RYR2: variants seen among roughly 807,000 people sequenced by gnomAD.
RYR2 encodes ryanodine receptor 2.
Under a neutral mutation model 601.1 loss-of-function variants are expected in RYR2, and 227 were observed. That is an observed-to-expected ratio of 0.38 (90% CI 0.34 to 0.42). The LOEUF (loss-of-function observed/expected upper bound fraction) is 0.42. Among genes scored for constraint, RYR2 ranks in the 10% least tolerant of loss-of-function variants. The pLI is 1.00. For missense variants in RYR2, 4,646 were observed against 6,156.5 expected (o/e 0.75, Z 8.21); for synonymous variants, 2,223 against 2,175.1 (o/e 1.02, Z -0.61).
intron 45 of RYR2, 123 bp downstream of exon 45, chr1:237,638,615 G>T (rs544366703): frequency 9.3e-7 from 1 of 1,071,470 alleles, no homozygotes; most frequent in African/African-American, 1.6e-5. Context: ...TTTTATAATC[G>T]ATAGGGGTTT....
At chr1:237,202,245 T>C (rs1377917297) in intron 1 of RYR2, among the ~76,000 whole-genome samples, 1 of 152,224 alleles carries the variant, frequency 6.6e-6, no homozygotes, top group African/African-American at 2.4e-5. Flanking sequence ...TGTCTGATGA[T>C]AGTCTCCCAT....
chr1:237,400,151 A>G (rs532172134), intron 10 of RYR2, among the ~76,000 whole-genome samples: 32 of 152,272 alleles, frequency 2.1e-4, no homozygotes, highest in Admixed American at 1.4e-3. Flanking sequence ...TAGTTGTCAA[A>G]CTCTTACTAT....
At chr1:237,119,125 G>A (rs1163796197) in intron 1 of RYR2, among the ~76,000 whole-genome samples, 1 of 152,166 alleles carries the variant, frequency 6.6e-6, no homozygotes, top group Non-Finnish European at 1.5e-5. Flanking sequence ...GTTAAAGTGA[G>A]GTCATTAGGT....
intron 10 of RYR2, among the ~76,000 whole-genome samples, chr1:237,397,674 G>A (rs1006980511): frequency 8.6e-5 from 13 of 151,932 alleles, no homozygotes; most frequent in Non-Finnish European, 1.6e-4. Context: ...AGGGGTAGGG[G>A]ACTTAACACT....
In RYR2 at chr1:237,709,033, C is replaced by A; in HGVS notation, c.10077C>A (p.Phe3359Leu). 6.2e-7 allele frequency: 1 copy of A among 1,612,240 alleles called. No homozygotes were observed. Among genetic ancestry groups the A allele is most frequent in the Non-Finnish European group, 8.5e-7 (1 of 1,178,422 alleles). The stretch of plus-strand genomic sequence containing the variant: ...CAGAACTCCTCATCCTAGATGAGTT[C>A]ACCACACTGGCCAGAGATCTCTATG... The part of the protein sequence containing the change: ...SEAELLILDE[F>L]TTLARDLYAF... The change falls in exon 69 of 105, where the codon TTC becomes TTA. Residue 3359 changes from phenylalanine to leucine, a missense_variant. By Grantham distance (22) the Phe-to-Leu change is conservative. Transcript: ENST00000366574.
chr1:237,820,391 C>G (rs2486554), intron 101 of RYR2, among the ~76,000 whole-genome samples: 39,855 of 151,830 alleles, frequency 0.26, 5,687 homozygotes, highest in East Asian at 0.61. Flanking sequence ...AGCAGGGTGG[C>G]GTGTCATCTC....
chr1:237,808,769 G>A, intron 99 of RYR2, 132 bp from the exon 100 acceptor site: 6 of 724,322 alleles, frequency 8.3e-6, no homozygotes, highest in Non-Finnish European at 1.2e-5. Context: ...TGAGAAATAA[G>A]TTATGGATCC....
rs910664106 is a variant in RYR2, at chr1:237,787,662, T to C, written c.13329-326T>C. Among the ~76,000 whole-genome samples, 45 of 149,888 alleles carry C rather than the reference T, an allele frequency of 3.0e-4. 1 individual carries two copies. Among genetic ancestry groups the C allele is most frequent in the African/African-American group, 1.1e-3 (44 of 40,654 alleles). On this transcript the variant is annotated intron_variant, in intron 91 of 104. Coordinates refer to ENST00000366574, the MANE Select transcript of RYR2 (RefSeq NM_001035.3). ...AAAAATAGGGTATGTGGGACAGTCA[T>C]AGCAAAATCATTCATCATTCTTCAT...
At chr1:237,270,232 C>T in intron 1 of RYR2, 1 of 579,240 alleles carries the variant, frequency 1.7e-6, no homozygotes, top group Non-Finnish European at 3.2e-6. Context: ...CTCTGGGGAT[C>T]AGTCAGTACA....
chr1:237,133,070 C>T (rs1228677726), intron 1 of RYR2, among the ~76,000 whole-genome samples: 1 of 152,060 alleles, frequency 6.6e-6, no homozygotes, highest in Non-Finnish European at 1.5e-5. Context: ...GAAGTGAGGA[C>T]TTCAGAGGAG....
intron 1 of RYR2, 78 bp downstream of exon 1, chr1:237,042,647 C>T (rs1660052065): frequency 8.2e-7 from 1 of 1,220,584 alleles, no homozygotes; most frequent in South Asian, 4.2e-5. Context: ...GGCAGAGTGA[C>T]AGCGGGCAGC....
At chr1:237,169,424 G>A (rs528049783) in intron 1 of RYR2, among the ~76,000 whole-genome samples, 8 of 151,562 alleles carry the variant, frequency 5.3e-5, no homozygotes, top group Non-Finnish European at 1.2e-4. Flanking sequence ...TCAGCCTCCC[G>A]AGTAGCTGGG....
At chr1:237,674,709 A>C (rs761398767) in intron 59 of RYR2, 22 bp from the exon 60 acceptor site, 1 of 1,447,946 alleles carries the variant, frequency 6.9e-7, no homozygotes, top group Non-Finnish European at 9.7e-7. Context: ...TTGCTTTCCC[A>C]TTTTCATTTT....
chr1:237,081,344 A>G (rs1198446895), intron 1 of RYR2, among the ~76,000 whole-genome samples: 1 of 150,936 alleles, frequency 6.6e-6, no homozygotes, highest in Admixed American at 6.6e-5. Context: ...CGATGTACCT[A>G]CATTTGCTTT....
intron 1 of RYR2, among the ~76,000 whole-genome samples, chr1:237,246,993 A>G (rs1487504149): frequency 2.6e-5 from 4 of 152,230 alleles, no homozygotes; most frequent in Admixed American, 1.3e-4. Context: ...GTGGTCCTAC[A>G]TATTATTTTG....
chr1:237,108,290 T>G (rs753107195), intron 1 of RYR2, among the ~76,000 whole-genome samples: 3 of 152,090 alleles, frequency 2.0e-5, no homozygotes, highest in Non-Finnish European at 4.4e-5. Context: ...GCCCAGTATA[T>G]GATACTCCCC....
At chr1:237,225,897 A>G (rs1684312012) in intron 1 of RYR2, among the ~76,000 whole-genome samples, 2 of 152,154 alleles carry the variant, frequency 1.3e-5, no homozygotes, top group South Asian at 4.1e-4. Context: ...TCTACTAGAA[A>G]TACAAAAATT....
At chr1:237,427,267 T>TA (rs1401038723) in intron 12 of RYR2, among the ~76,000 whole-genome samples, 1 of 151,998 alleles carries the variant, frequency 6.6e-6, no homozygotes, top group Non-Finnish European at 1.5e-5. Flanking sequence ...CGAATGGCTC[T>TA]AAAAAAAGGT....
At chr1:237,415,442 G>T (rs1186453409) in intron 10 of RYR2, among the ~76,000 whole-genome samples, 1 of 152,180 alleles carries the variant, frequency 6.6e-6, no homozygotes, top group Non-Finnish European at 1.5e-5. Flanking sequence ...TTTATCTAAA[G>T]AAATAGACAA....
Sources: gnomAD v4.1 joint callset for allele counts (sites outside exome capture counted in the v4.1 genomes callset) on GRCh38, gnomAD v4.1.1 for gene constraint, MANE v1.5 for transcripts, NCBI Gene and HGNC (gene_info 2026-07-23, HGNC 2026-07-21) for gene names.